The following ADAMTS18 variants were observed in gnomAD, a reference collection of about 807,000 sequenced individuals.
ADAMTS18 encodes the protein A disintegrin and metalloproteinase with thrombospondin motifs 18.
A neutral mutation model predicts 165.9 loss-of-function variants in ADAMTS18; 157 were observed. The ratio of observed to expected loss-of-function variants is 0.95; its 90% CI spans 0.83 to 1.08. ADAMTS18 has a LOEUF of 1.08. Ranked by LOEUF, ADAMTS18 falls within the 50% of genes least tolerant of loss-of-function variation. ADAMTS18 has a pLI of 0.00. For synonymous variants in ADAMTS18, 782 were observed against 578.2 expected (o/e 1.35, Z -5.06); for missense variants, 2,040 against 1,534.0 (o/e 1.33, Z -5.51).
chr16:77,419,283 T>A lies in ADAMTS18; in HGVS notation c.495+12012A>T, dbSNP rs1411535184. Among the ~76,000 whole-genome samples the A allele has an allele frequency of 2.0e-5, 3 of 152,280 alleles. No individual in the cohort carries two copies. In the South Asian group the frequency reaches 6.2e-4, roughly 32 times the overall value. On this transcript the variant is annotated intron_variant, in intron 3 of 22. Transcript: ENST00000282849. ...TCCTTTTTGGAGGCTCCAAGAAAGA[T>A]TCCACTGCTAAGCTCACTCAGGCTG... is the stretch of plus-strand genomic sequence containing the variant.
At chr16:77,317,753 T>C (rs1052433990) in intron 16 of ADAMTS18, among the ~76,000 whole-genome samples, 5 of 152,190 alleles carry the variant, frequency 3.3e-5, no homozygotes, top group African/African-American at 1.2e-4. Context: ...TCATTTCTAT[T>C]GCTTTCCCCA....
intron 8 of ADAMTS18, among the ~76,000 whole-genome samples, chr16:77,357,566 C>G (rs1455338331): frequency 6.6e-6 from 1 of 152,080 alleles, no homozygotes; most frequent in Admixed American, 6.5e-5. Context: ...GCAAGAATCC[C>G]AGAAACAGAG....
At chr16:77,370,031 C>G (rs1361525291) in intron 3 of ADAMTS18, among the ~76,000 whole-genome samples, 1 of 152,146 alleles carries the variant, frequency 6.6e-6, no homozygotes, top group Non-Finnish European at 1.5e-5. Flanking sequence ...AATTTAACAT[C>G]TCTTCATGAT....
chr16:77,298,324 T>A (rs1263695514), intron 17 of ADAMTS18, among the ~76,000 whole-genome samples: 1 of 152,164 alleles, frequency 6.6e-6, no homozygotes, highest in East Asian at 1.9e-4. Flanking sequence ...TAATTGTATT[T>A]TTTAGTTCCC....
chr16:77,308,071 G>GC (rs2055713441), intron 16 of ADAMTS18, among the ~76,000 whole-genome samples: 2 of 152,128 alleles, frequency 1.3e-5, no homozygotes, highest in African/African-American at 4.8e-5. Context: ...CATGAGAAAG[G>GC]CTGCTGTCGT....
At chr16:77,337,358 G>A (rs1337424888) in intron 11 of ADAMTS18, among the ~76,000 whole-genome samples, 5 of 152,178 alleles carry the variant, frequency 3.3e-5, no homozygotes, top group African/African-American at 1.2e-4. Flanking sequence ...TTATCAAGCT[G>A]CTTCTATGTG....
chr16:77,383,150 C>G (rs1332685062), intron 3 of ADAMTS18, among the ~76,000 whole-genome samples: 1 of 152,124 alleles, frequency 6.6e-6, no homozygotes, highest in African/African-American at 2.4e-5. Context: ...TGCCCCAAGC[C>G]TAGACTTAGC....
At chr16:77,398,346 C>CAACAAA (rs915991857) in intron 3 of ADAMTS18, among the ~76,000 whole-genome samples, 1 of 151,584 alleles carries the variant, frequency 6.6e-6, no homozygotes, top group Non-Finnish European at 1.5e-5. Context: ...ACAACAACAA[C>CAACAAA]AAAAATAAAT....
intron 3 of ADAMTS18, among the ~76,000 whole-genome samples, chr16:77,400,377 T>G (rs957179791): frequency 6.6e-6 from 1 of 151,490 alleles, no homozygotes; most frequent in Non-Finnish European, 1.5e-5. Context: ...GGACTACCCC[T>G]GATTAATGGA....
chr16:77,364,042 C>A (rs913634392), intron 5 of ADAMTS18, 146 bp downstream of exon 5: 1 of 1,276,762 alleles, frequency 7.8e-7, no homozygotes, highest in South Asian at 1.3e-5. Flanking sequence ...AAAAATAAAA[C>A]CACATATGTA....
rs768661796 is a variant in ADAMTS18 at position 77,431,538 on chromosome 16, G to A, written c.252C>T (p.Gly84=). 1.2e-5 allele frequency: 19 copies of A among 1,614,012 alleles called. No homozygotes were observed. The highest frequency in any genetic ancestry group is 1.5e-5 in the Non-Finnish European group (18 of 1,180,030). Residue 84 remains glycine, a synonymous_variant, in exon 3 of 23, where the codon GGC becomes GGT. Coordinates refer to ENST00000282849, the MANE Select transcript of ADAMTS18 (RefSeq NM_199355.4). ...CATTCTGCGCCGATCGCTTTTTCCT[G>A]CCGTTGTGCAAAATGTCGTGTGAAA... The part of the protein sequence containing the change: ...SYISHDILHN[G]RKKRSAQNAR...
intron 3 of ADAMTS18, among the ~76,000 whole-genome samples, chr16:77,395,989 T>G (rs1006487388): frequency 2.6e-5 from 4 of 152,228 alleles, no homozygotes; most frequent in Non-Finnish European, 4.4e-5. Context: ...CAATGTCATT[T>G]AGTATTCCTA....
intron 6 of ADAMTS18, among the ~76,000 whole-genome samples, chr16:77,363,421 T>G (rs545777616): frequency 8.5e-5 from 13 of 152,204 alleles, no homozygotes; most frequent in Non-Finnish European, 1.6e-4. Flanking sequence ...CATATCAAAC[T>G]TGCAAAATCT....
In ADAMTS18 at chr16:77,361,579, T is replaced by C. The variant is rs982059682; in HGVS notation, c.1216+526A>G. ...TATCTCACACCTCAATGATCATCAG[T>C]AGGATCAATAAAGAAAAATACAAGC... On this transcript the variant is annotated intron_variant, in intron 7 of 22. Coordinates refer to ENST00000282849, the MANE Select transcript of ADAMTS18 (RefSeq NM_199355.4). Among the ~76,000 whole-genome samples, 4 of 152,062 alleles carry C rather than the reference T, an allele frequency of 2.6e-5. No homozygotes were observed. In the East Asian group the frequency reaches 7.7e-4, roughly 29 times the overall value.
chr16:77,341,850 CAA>C, intron 10 of ADAMTS18, 51 bp from the exon 11 acceptor site: 1 of 1,248,868 alleles, frequency 8.0e-7, no homozygotes, highest in Non-Finnish European at 1.2e-6. Flanking sequence ...ACAATAAAAA[CAA>C]AAATATTCAA....
chr16:77,352,824 G>A (rs1398301515), intron 10 of ADAMTS18, among the ~76,000 whole-genome samples: 1 of 152,044 alleles, frequency 6.6e-6, no homozygotes, highest in Non-Finnish European at 1.5e-5. Context: ...CTACTTTTTA[G>A]TATGGGCCGG....
chr16:77,395,974 C>G (rs2057251763), intron 3 of ADAMTS18, among the ~76,000 whole-genome samples: 1 of 152,302 alleles, frequency 6.6e-6, no homozygotes, highest in Non-Finnish European at 1.5e-5. Flanking sequence ...GGGTACCCAG[C>G]TACTCAATGT....
chr16:77,341,710 C>T lies in ADAMTS18; in HGVS notation c.1704G>A (p.Leu568=). The T allele has an allele frequency of 6.2e-7, 1 of 1,613,136 alleles. No individual in the cohort carries two copies. Among genetic ancestry groups the T allele is most frequent in the Non-Finnish European group, 8.5e-7 (1 of 1,179,544 alleles). The change falls in exon 11 of 23, where the codon TTG becomes TTA. Residue 568 remains leucine (L), a synonymous_variant. Coordinates refer to ENST00000282849, the MANE Select transcript of ADAMTS18 (RefSeq NM_199355.4). ...TAACAAGTATGCAGTTTACCATACT[C>T]AAGCCACAAACGGTCCCTTCTGCTG... ...MPAAEGTVCG[L]SMWCRQGQCV...
At chr16:77,288,564 C>G (rs2055300610) in intron 22 of ADAMTS18, among the ~76,000 whole-genome samples, 2 of 152,076 alleles carry the variant, frequency 1.3e-5, no homozygotes, top group Admixed American at 1.3e-4. Context: ...CTTGAACTAA[C>G]TTTAAGAAAA....
Sources: gnomAD v4.1 joint callset for allele counts (sites outside exome capture counted in the v4.1 genomes callset) on GRCh38, gnomAD v4.1.1 for gene constraint, MANE v1.5 for transcripts, NCBI Gene and HGNC (gene_info 2026-07-23, HGNC 2026-07-21) for gene names.